Variants in IQCJ observed in about 807,000 individuals in gnomAD.
The protein encoded by IQCJ is IQ domain-containing protein J.
Under a neutral mutation model 11.0 loss-of-function variants are expected in IQCJ, and 9 were observed. The ratio of observed to expected loss-of-function variants is 0.82; its 90% CI spans 0.49 to 1.43. The LOEUF (loss-of-function observed/expected upper bound fraction) is 1.43, where lower values mean the gene tolerates loss of function less well. Among genes scored for constraint, IQCJ ranks in the 40% most tolerant of loss-of-function variants. The pLI, the probability that IQCJ is intolerant of heterozygous loss-of-function variation, is 0.00. For missense variants in IQCJ, 146 were observed against 133.2 expected (o/e 1.10, Z -0.47); for synonymous variants, 55 against 51.3 (o/e 1.07, Z -0.31).
intron 1 of IQCJ, among the ~76,000 whole-genome samples, chr3:159,151,981 T>G (rs1489575961): frequency 1.3e-5 from 2 of 152,216 alleles, no homozygotes; most frequent in Non-Finnish European, 2.9e-5. Flanking sequence ...GATTCAATTC[T>G]GTGACCCAAG....
intron 1 of IQCJ, among the ~76,000 whole-genome samples, chr3:159,092,632 A>G (rs867787426): frequency 2.0e-5 from 3 of 151,014 alleles, no homozygotes; most frequent in Non-Finnish European, 2.9e-5. Context: ...TGGGAGGCGG[A>G]GCTTGCAGGG....
intron 1 of IQCJ, among the ~76,000 whole-genome samples, chr3:159,115,185 T>G (rs778181832): frequency 6.6e-6 from 1 of 152,200 alleles, no homozygotes. Context: ...AAAAGTTTAT[T>G]TCTTGTCCAC....
At chr3:159,231,862 G>T (rs1448401055) in intron 1 of IQCJ, among the ~76,000 whole-genome samples, 2 of 152,004 alleles carry the variant, frequency 1.3e-5, no homozygotes, top group African/African-American at 2.4e-5. Flanking sequence ...GTCTTGGGAG[G>T]GTGTATGTGT....
At position 159,188,817 on chromosome 3, in the gene IQCJ, T is replaced by C. The variant is rs144630897; in HGVS notation, c.10-57026T>C. ...CCAAATCAATGTGCCCAGCTCATAG[T>C]AGGAGTTGGGGAAATTATTCGTTGA... On this transcript the variant is annotated intron_variant, in intron 1 of 3. Coordinates refer to ENST00000397832, the MANE Select transcript of IQCJ (RefSeq NM_001042706.3). 3.2e-3 allele frequency among the ~76,000 whole-genome samples: 491 copies of C among 152,256 alleles called. 8 individuals are homozygous for C. The highest frequency in any genetic ancestry group is 0.01 in the African/African-American group (434 of 41,542).
At chr3:159,257,540 G>A (rs1005039612) in intron 3 of IQCJ, among the ~76,000 whole-genome samples, 1 of 152,148 alleles carries the variant, frequency 6.6e-6, no homozygotes, top group African/African-American at 2.4e-5. Context: ...CAGTGAAGTC[G>A]AGAGCTACAA....
At chr3:159,225,099 A>G (rs1725776887) in intron 1 of IQCJ, among the ~76,000 whole-genome samples, 1 of 152,210 alleles carries the variant, frequency 6.6e-6, no homozygotes, top group Non-Finnish European at 1.5e-5. Context: ...AGCTATATCT[A>G]TTGATAGCAG....
chr3:159,212,953 CT>C (rs1260752619), intron 1 of IQCJ, among the ~76,000 whole-genome samples: 2 of 152,128 alleles, frequency 1.3e-5, no homozygotes, highest in African/African-American at 4.8e-5. Flanking sequence ...AAACACTTTT[CT>C]TTTCTTTCTT....
intron 1 of IQCJ, among the ~76,000 whole-genome samples, chr3:159,232,049 C>T (rs1726283572): frequency 6.6e-6 from 1 of 151,980 alleles, no homozygotes. Flanking sequence ...GGCTAGTGGT[C>T]TATCTATTTT....
intron 1 of IQCJ, among the ~76,000 whole-genome samples, chr3:159,238,106 AG>A (rs1358069866): frequency 6.6e-6 from 1 of 152,126 alleles, no homozygotes; most frequent in Non-Finnish European, 1.5e-5. Context: ...TAGGTCTTGG[AG>A]GGGTGAGAAA....
At chr3:159,070,583 G>T (rs1286663191) in intron 1 of IQCJ, among the ~76,000 whole-genome samples, 1 of 151,926 alleles carries the variant, frequency 6.6e-6, no homozygotes, top group Non-Finnish European at 1.5e-5. Flanking sequence ...ATAGAAACTT[G>T]TTTTCTGGTC....
intron 1 of IQCJ, among the ~76,000 whole-genome samples, chr3:159,109,537 A>AC (rs1559988548): frequency 6.6e-6 from 1 of 151,232 alleles, no homozygotes; most frequent in African/African-American, 2.4e-5. Context: ...TAAAAAAAAA[A>AC]AAAAAAAAAC....
At chr3:159,220,981 A>G (rs1446071996) in intron 1 of IQCJ, among the ~76,000 whole-genome samples, 1 of 152,156 alleles carries the variant, frequency 6.6e-6, no homozygotes, top group Non-Finnish European at 1.5e-5. Flanking sequence ...GAAACCTAAC[A>G]TTACAAGGGA....
chr3:159,118,551 G>A (rs1719165093), intron 1 of IQCJ, among the ~76,000 whole-genome samples: 1 of 152,214 alleles, frequency 6.6e-6, no homozygotes. Context: ...TGGAAAGCAA[G>A]TGTCAGGGAT....
chr3:159,194,610 C>G (rs1365202386), intron 1 of IQCJ, among the ~76,000 whole-genome samples: 2 of 152,178 alleles, frequency 1.3e-5, no homozygotes, highest in African/African-American at 2.4e-5. Flanking sequence ...TTTGATCCCT[C>G]TGGGTTCACT....
intron 1 of IQCJ, among the ~76,000 whole-genome samples, chr3:159,173,146 C>A (rs1044050740): frequency 1.3e-5 from 2 of 152,192 alleles, no homozygotes; most frequent in Non-Finnish European, 2.9e-5. Context: ...GCCATGCCAT[C>A]TTTAGGAGTA....
chr3:159,195,370 TG>T (rs1385343207), intron 1 of IQCJ, among the ~76,000 whole-genome samples: 1 of 152,090 alleles, frequency 6.6e-6, no homozygotes, highest in Non-Finnish European at 1.5e-5. Flanking sequence ...AGAGAGGAGA[TG>T]GGGGTAGACA....
intron 1 of IQCJ, among the ~76,000 whole-genome samples, chr3:159,159,926 G>T (rs1277747680): frequency 6.6e-6 from 1 of 152,060 alleles, no homozygotes; most frequent in Non-Finnish European, 1.5e-5. Context: ...GCCCTCACTA[G>T]AAGTAGATGC....
chr3:159,069,682 C>T (rs1008443977), intron 1 of IQCJ: 1 of 601,388 alleles, frequency 1.7e-6, no homozygotes, highest in African/African-American at 1.9e-5. Flanking sequence ...ACAGATTTCA[C>T]TAAAGGAATC....
intron 1 of IQCJ, among the ~76,000 whole-genome samples, chr3:159,137,781 G>A (rs528530883): frequency 1.5e-4 from 23 of 152,056 alleles, no homozygotes; most frequent in African/African-American, 5.5e-4. Context: ...CATCTCTAAT[G>A]CTCTCACTAT....
Sources: allele counts gnomAD v4.1 joint callset (sites outside exome capture counted in the v4.1 genomes callset), GRCh38; gene constraint gnomAD v4.1.1; transcripts MANE v1.5; gene names NCBI Gene and HGNC (gene_info 2026-07-23, HGNC 2026-07-21).